The following TRHDE variants were observed in gnomAD, a reference collection of about 807,000 sequenced individuals.
TRHDE encodes thyrotropin releasing hormone degrading enzyme.
A neutral mutation model predicts 125.7 loss-of-function variants in TRHDE; 72 were observed. The ratio of observed to expected loss-of-function variants is 0.57; its 90% confidence interval spans 0.47 to 0.70. The LOEUF is 0.70. Ranked by LOEUF, TRHDE falls within the 30% of genes least tolerant of loss-of-function variation. The pLI, the probability that TRHDE is intolerant of heterozygous loss-of-function variation, is 0.00. For missense variants in TRHDE, 1,110 were observed against 1,327.1 expected (o/e 0.84, Z 2.54); for synonymous variants, 509 against 509.1 (o/e 1.00, Z 0.00).
intron 15 of TRHDE, among the ~76,000 whole-genome samples, chr12:72,637,396 TTTTC>T (rs1288299872): frequency 6.6e-5 from 10 of 152,298 alleles, no homozygotes; most frequent in Admixed American, 3.3e-4. Flanking sequence ...TTTTCTCTTT[TTTTC>T]TTTATTAGTC....
intron 12 of TRHDE, among the ~76,000 whole-genome samples, chr12:72,576,003 A>C (rs921368998): frequency 3.3e-5 from 5 of 152,180 alleles, no homozygotes; most frequent in Non-Finnish European, 5.9e-5. Context: ...GTTCTTGACA[A>C]AATATATATC....
At position 72,499,557 on chromosome 12, in the gene TRHDE, C is replaced by T. The variant is rs578192075; in HGVS notation, c.1644C>T (p.Ala548=). ...LHEVMLLDGL[A]SSHPVSQEVL... ...AAGTGATGCTGCTGGACGGTTTGGC[C>T]AGTTCCCATCCAGTATCACAGGAAG... Residue 548 remains alanine (A), a synonymous_variant, in exon 6 of 19, where the codon GCC becomes GCT. Coordinates refer to ENST00000261180, the MANE Select transcript of TRHDE (RefSeq NM_013381.3). 16 of 1,613,852 alleles carry T rather than the reference C, an allele frequency of 9.9e-6. No homozygotes were observed. The East Asian group carries it at 3.1e-4, about 31-fold the overall frequency.
intron 3 of TRHDE, among the ~76,000 whole-genome samples, chr12:72,463,556 C>G (rs1278587766): frequency 6.6e-6 from 1 of 152,140 alleles, no homozygotes; most frequent in South Asian, 2.1e-4. Flanking sequence ...AGAGCATCTC[C>G]TGTACTCTTC....
At chr12:72,295,750 A>T (rs1266740760) in intron 2 of TRHDE, among the ~76,000 whole-genome samples, 2 of 151,898 alleles carry the variant, frequency 1.3e-5, no homozygotes, top group Non-Finnish European at 2.9e-5. Context: ...TAATGAGAGA[A>T]TTAGAGGAGT....
chr12:72,303,455 C>G (rs1236407779), intron 2 of TRHDE, among the ~76,000 whole-genome samples: 1 of 152,050 alleles, frequency 6.6e-6, no homozygotes, highest in Non-Finnish European at 1.5e-5. Flanking sequence ...TTGGTGGAGC[C>G]CCTACAGCAG....
At chr12:72,580,849 AG>A (rs1479159770) in intron 12 of TRHDE, among the ~76,000 whole-genome samples, 1 of 152,240 alleles carries the variant, frequency 6.6e-6, no homozygotes. Context: ...ACAATCTAGC[AG>A]GGAAGATGCA....
intron 2 of TRHDE, chr12:72,137,645 C>G (rs1446068805): frequency 6.6e-6 from 1 of 152,166 alleles, no homozygotes; most frequent in African/African-American, 2.4e-5. Flanking sequence ...AATTTTTGTG[C>G]TCTTCTTTGC....
intron 2 of TRHDE, among the ~76,000 whole-genome samples, chr12:72,181,333 G>A (rs972046486): frequency 3.3e-5 from 5 of 152,036 alleles, no homozygotes; most frequent in Admixed American, 6.6e-5. Context: ...TTAATGCTTC[G>A]AGTTCGTCTC....
At chr12:72,452,822 C>A (rs1419748227) in intron 3 of TRHDE, among the ~76,000 whole-genome samples, 1 of 152,038 alleles carries the variant, frequency 6.6e-6, no homozygotes, top group African/African-American at 2.4e-5. Context: ...TGGCCATGTA[C>A]ATGCCTACTC....
intron 2 of TRHDE, among the ~76,000 whole-genome samples, chr12:72,302,483 A>T (rs12820598): frequency 0.051 from 7,701 of 152,228 alleles, 283 homozygotes; most frequent in Non-Finnish European, 0.076. Context: ...CTTTACAAAG[A>T]TCATCTCATT....
intron 2 of TRHDE, among the ~76,000 whole-genome samples, chr12:72,116,058 G>C (rs1200423734): frequency 6.6e-6 from 1 of 151,962 alleles, no homozygotes; most frequent in African/African-American, 2.4e-5. Context: ...TCCCCTTTCT[G>C]TGTCCATGTG....
At chr12:72,424,627 C>G (rs1484968177) in intron 3 of TRHDE, among the ~76,000 whole-genome samples, 21 of 152,168 alleles carry the variant, frequency 1.4e-4, no homozygotes. Flanking sequence ...CAAATGCTGT[C>G]TCATCTCTGA....
chr12:72,270,363 T>C (rs1365549648), upstream of TRHDE, among the ~76,000 whole-genome samples: 1 of 152,202 alleles, frequency 6.6e-6, no homozygotes, highest in Non-Finnish European at 1.5e-5. Flanking sequence ...ATGCATGGCA[T>C]TGAGCATGTA....
At chr12:72,175,094 A>C (rs1174008297) in intron 2 of TRHDE, among the ~76,000 whole-genome samples, 1 of 152,198 alleles carries the variant, frequency 6.6e-6, no homozygotes, top group East Asian at 1.9e-4. Flanking sequence ...GCAGTCCTCT[A>C]GAATGTATTC....
At chr12:72,555,108 ATATACT>A (rs1325340586) in intron 7 of TRHDE, among the ~76,000 whole-genome samples, 5 of 152,236 alleles carry the variant, frequency 3.3e-5, no homozygotes, top group Non-Finnish European at 7.3e-5. Flanking sequence ...ACTTATAAAA[ATATACT>A]TATTCTTACA....
intron 2 of TRHDE, among the ~76,000 whole-genome samples, chr12:72,317,701 G>A (rs1046837525): frequency 6.6e-6 from 1 of 152,180 alleles, no homozygotes; most frequent in Non-Finnish European, 1.5e-5. Flanking sequence ...AGCAACAGGT[G>A]TGGAAACCAT....
chr12:72,498,308 A>C (rs572529365), intron 5 of TRHDE, among the ~76,000 whole-genome samples: 1 of 152,184 alleles, frequency 6.6e-6, no homozygotes, highest in South Asian at 2.1e-4. Context: ...CCAGTCAACA[A>C]TTCTTTTCTT....
chr12:72,499,478 C>T lies in TRHDE; in HGVS notation c.1585-20C>T, dbSNP rs1289802238. 6.2e-7 allele frequency: 1 copy of T among 1,611,706 alleles called. No homozygotes were observed. The highest frequency in any genetic ancestry group is 1.7e-5 in the Admixed American group (1 of 59,630). ...TAACTATGAATCACCTATGATATTG[C>T]CCCGTCTGCTGTATTGCAGGAAAAG... On this transcript the variant is annotated intron_variant, in intron 5 of 18. Coordinates refer to ENST00000261180, the MANE Select transcript of TRHDE (RefSeq NM_013381.3).
chr12:72,142,600 G>C (rs1219589221), intron 2 of TRHDE, among the ~76,000 whole-genome samples: 1 of 152,170 alleles, frequency 6.6e-6, no homozygotes, highest in Admixed American at 6.5e-5. Context: ...GGCACTAAAT[G>C]AGAACAGACA....
Sources: allele counts gnomAD v4.1 joint callset (sites outside exome capture counted in the v4.1 genomes callset), GRCh38; gene constraint gnomAD v4.1.1; transcripts MANE v1.5; gene names NCBI Gene and HGNC (gene_info 2026-07-23, HGNC 2026-07-21).